Variants in ABI3BP observed in about 807,000 individuals in gnomAD.
ABI3BP encodes ABI family member 3 binding protein, also known as target of Nesh-SH3.
Under a neutral mutation model 268.6 loss-of-function variants are expected in ABI3BP, and 216 were observed. The ratio of observed to expected loss-of-function variants is 0.80; its 90% CI spans 0.72 to 0.90. ABI3BP has a LOEUF of 0.90. Among genes scored for constraint, ABI3BP ranks in the 40% least tolerant of loss-of-function variants. The probability of loss-of-function intolerance (pLI) is 0.00; values close to 1 mark genes in which losing one functional copy is unlikely to be tolerated. For missense variants in ABI3BP, 2,090 were observed against 2,182.4 expected, an observed-to-expected ratio of 0.96 and a Z score of 0.84; for synonymous variants, 730 against 730.0, an observed-to-expected ratio of 1.00 and a Z score of 0.00.
chr3:100,968,929 A>T (rs902282076), intron 1 of ABI3BP, among the ~76,000 whole-genome samples: 1 of 151,948 alleles, frequency 6.6e-6, no homozygotes, highest in Admixed American at 6.6e-5. Context: ...TTGCTGTCTT[A>T]AAAAAAAGTA....
chr3:100,789,873 A>T (rs986297720), intron 55 of ABI3BP, among the ~76,000 whole-genome samples: 1 of 151,968 alleles, frequency 6.6e-6, no homozygotes, highest in Admixed American at 6.6e-5. Context: ...CCATCCATCC[A>T]TCTAATCTCT....
intron 38 of ABI3BP, among the ~76,000 whole-genome samples, chr3:100,821,708 A>G (rs1355627692): frequency 3.3e-5 from 5 of 150,556 alleles, no homozygotes; most frequent in Non-Finnish European, 7.4e-5. Flanking sequence ...GGTTCAAGCA[A>G]TTCTCTGCCC....
intron 1 of ABI3BP, among the ~76,000 whole-genome samples, chr3:100,947,902 C>T (rs2073238363): frequency 6.6e-6 from 1 of 152,072 alleles, no homozygotes; most frequent in African/African-American, 2.4e-5. Flanking sequence ...TTCAATAGCT[C>T]CATAACTGCT....
intron 7 of ABI3BP, 60 bp from the exon 8 acceptor site, chr3:100,875,639 A>T (rs2153275890): frequency 1.6e-6 from 2 of 1,227,276 alleles, no homozygotes; most frequent in East Asian, 2.3e-5. Context: ...TAAGAAGCTA[A>T]TAATGTGAAG....
At chr3:100,963,585 C>T (rs2079991191) in intron 1 of ABI3BP, among the ~76,000 whole-genome samples, 1 of 152,190 alleles carries the variant, frequency 6.6e-6, no homozygotes, top group African/African-American at 2.4e-5. Flanking sequence ...GACATTTCAA[C>T]AGTTTCCATT....
chr3:100,828,287 T>G (rs1028667490), intron 34 of ABI3BP, 106 bp downstream of exon 34: 8 of 1,033,472 alleles, frequency 7.7e-6, no homozygotes, highest in Non-Finnish European at 1.1e-5. Context: ...TTTATGCATG[T>G]TCAACCGTTA....
At chr3:100,784,665 T>G (rs2096970866) in intron 57 of ABI3BP, among the ~76,000 whole-genome samples, 1 of 152,162 alleles carries the variant, frequency 6.6e-6, no homozygotes, top group African/African-American at 2.4e-5. Context: ...AAAGAAAATG[T>G]CTGGTATATA....
At chr3:100,779,996 C>A (rs1044275670) in intron 58 of ABI3BP, 136 bp downstream of exon 58, 8 of 681,724 alleles carry the variant, frequency 1.2e-5, no homozygotes, top group Non-Finnish European at 1.8e-5. Flanking sequence ...CTAGCAATAC[C>A]CATGCACTGT....
chr3:100,972,416 C>T (rs1169026030), intron 1 of ABI3BP, among the ~76,000 whole-genome samples: 2 of 152,170 alleles, frequency 1.3e-5, no homozygotes, highest in South Asian at 2.1e-4. Context: ...CAGGCATCTG[C>T]AAATGTGCAC....
rs192566417 is a variant in ABI3BP, at chr3:100,916,681, A to T, written c.259+9621T>A. Among the ~76,000 whole-genome samples the T allele has an allele frequency of 7.6e-3, 1,155 of 152,348 alleles. 15 individuals are homozygous for T. Among genetic ancestry groups the T allele is most frequent in the African/African-American group, 0.027 (1,111 of 41,568 alleles). On this transcript the variant is annotated intron_variant, in intron 2 of 67. Transcript: ENST00000471714. ...ATCATCAGCTAACTGGTTGATAAGA[A>T]GTGCCACTCCAGCATTTGACCATCT...
At chr3:100,970,488 G>A (rs979995666) in intron 1 of ABI3BP, among the ~76,000 whole-genome samples, 1 of 152,186 alleles carries the variant, frequency 6.6e-6, no homozygotes, top group Non-Finnish European at 1.5e-5. Flanking sequence ...GACCCAGACT[G>A]GGATTTGGGG....
intron 44 of ABI3BP, 84 bp from the exon 45 acceptor site, chr3:100,813,819 A>G (rs1030891265): frequency 4.4e-6 from 5 of 1,142,502 alleles, no homozygotes; most frequent in Non-Finnish European, 6.3e-6. Context: ...GTGAAATAAA[A>G]TACACAGACC....
intron 1 of ABI3BP, among the ~76,000 whole-genome samples, chr3:100,966,919 A>T (rs1418695726): frequency 6.6e-6 from 1 of 152,154 alleles, no homozygotes; most frequent in Non-Finnish European, 1.5e-5. Context: ...AATAAATTTT[A>T]AAGCGCTAGA....
chr3:100,823,612 A>C, intron 36 of ABI3BP, 98 bp from the exon 37 acceptor site: 1 of 898,938 alleles, frequency 1.1e-6, no homozygotes, highest in Non-Finnish European at 1.6e-6. Context: ...CAATTCTTCC[A>C]GAGAAACAAA....
intron 2 of ABI3BP, among the ~76,000 whole-genome samples, chr3:100,905,126 C>T (rs1441700856): frequency 6.6e-6 from 1 of 152,068 alleles, no homozygotes; most frequent in African/African-American, 2.4e-5. Flanking sequence ...ATGGATGAAG[C>T]TGGAAACCAT....
At chr3:100,968,649 C>CA (rs2082255463) in intron 1 of ABI3BP, among the ~76,000 whole-genome samples, 1 of 152,142 alleles carries the variant, frequency 6.6e-6, no homozygotes, top group African/African-American at 2.4e-5. Flanking sequence ...CTATTTACAA[C>CA]AAAATTTTAT....
At chr3:100,754,586 T>G (rs773339875) in intron 64 of ABI3BP, 26 bp downstream of exon 64, 1 of 1,556,334 alleles carries the variant, frequency 6.4e-7, no homozygotes, top group East Asian at 2.4e-5. Flanking sequence ...TACATCCTTT[T>G]TGGGAATTAC....
intron 55 of ABI3BP, among the ~76,000 whole-genome samples, chr3:100,790,795 G>A (rs537626873): frequency 2.0e-4 from 30 of 151,930 alleles, no homozygotes; most frequent in African/African-American, 7.0e-4. Flanking sequence ...TTGAATGTTA[G>A]GTTGCTTCTG....
intron 2 of ABI3BP, among the ~76,000 whole-genome samples, chr3:100,915,911 G>A (rs774608105): frequency 3.9e-5 from 6 of 152,122 alleles, no homozygotes; most frequent in Non-Finnish European, 7.4e-5. Context: ...GAATGCTCTG[G>A]CAGATTCTCT....
Sources: allele counts gnomAD v4.1 joint callset (sites outside exome capture counted in the v4.1 genomes callset), GRCh38; gene constraint gnomAD v4.1.1; transcripts MANE v1.5; gene names NCBI Gene and HGNC (gene_info 2026-07-23, HGNC 2026-07-21).